Variants in PITPNM3 observed in about 807,000 individuals in gnomAD.
The protein encoded by PITPNM3 is PITPNM family member 3.
Under a neutral mutation model 102.0 loss-of-function variants are expected in PITPNM3, and 26 were observed. The ratio of observed to expected loss-of-function variants is 0.25; its 90% CI spans 0.19 to 0.35. The LOEUF is 0.35. Among genes scored for constraint, PITPNM3 ranks in the 10% least tolerant of loss-of-function variants. PITPNM3 has a pLI of 1.00. For synonymous variants in PITPNM3, 578 were observed against 558.6 expected (o/e 1.03, Z -0.49); for missense variants, 1,083 against 1,346.1 (o/e 0.80, Z 3.06).
At chr17:6,507,624 C>T (rs1907614747) in intron 3 of PITPNM3, among the ~76,000 whole-genome samples, 1 of 151,846 alleles carries the variant, frequency 6.6e-6, no homozygotes, top group Non-Finnish European at 1.5e-5. Flanking sequence ...TTGAAGATAA[C>T]ACCATTCGGA....
intron 6 of PITPNM3, among the ~76,000 whole-genome samples, chr17:6,483,240 G>A (rs1304555470): frequency 6.6e-6 from 1 of 151,994 alleles, no homozygotes; most frequent in East Asian, 1.9e-4. Flanking sequence ...CACCGCACCC[G>A]GCCAACACTC....
intron 3 of PITPNM3, among the ~76,000 whole-genome samples, chr17:6,513,998 A>G (rs959305917): frequency 6.6e-6 from 1 of 152,224 alleles, no homozygotes; most frequent in African/African-American, 2.4e-5. Flanking sequence ...TTTTTGACAA[A>G]CCTGCCTAAA....
Position 6,502,221 on chromosome 17 carries a change from G to A in PITPNM3, c.274+1306C>T, listed in dbSNP as rs576547068. Among the ~76,000 whole-genome samples, 19 of 152,346 alleles carry A rather than the reference G, an allele frequency of 1.2e-4. 1 individual carries two copies. The highest frequency in any genetic ancestry group is 9.1e-4 in the Admixed American group (14 of 15,310). ...TCCCAGAATTTTGGGAGACCAAGGC[G>A]GGCAGATCACCTGAGGTCAGGAGTT... is the stretch of plus-strand genomic sequence containing the variant. On this transcript the variant is annotated intron_variant, in intron 4 of 19. Coordinates refer to ENST00000262483, the MANE Select transcript of PITPNM3 (RefSeq NM_031220.4).
chr17:6,538,302 C>T (rs558241435), intron 1 of PITPNM3, among the ~76,000 whole-genome samples: 2 of 150,548 alleles, frequency 1.3e-5, no homozygotes, highest in African/African-American at 5.0e-5. Context: ...ATGCGTGTGC[C>T]CATTTTCCAT....
intron 1 of PITPNM3, among the ~76,000 whole-genome samples, chr17:6,551,617 G>A (rs1339046173): frequency 6.6e-6 from 1 of 152,048 alleles, no homozygotes; most frequent in East Asian, 1.9e-4. Flanking sequence ...GCTCATGCCT[G>A]TAATTCCAGT....
chr17:6,508,966 G>A (rs1467294401), intron 3 of PITPNM3, among the ~76,000 whole-genome samples: 1 of 152,194 alleles, frequency 6.6e-6, no homozygotes, highest in Non-Finnish European at 1.5e-5. Context: ...CCACCTAAAT[G>A]AGACCCCACT....
chr17:6,502,458 G>GA (rs909797969), intron 4 of PITPNM3, among the ~76,000 whole-genome samples: 20 of 148,644 alleles, frequency 1.3e-4, no homozygotes, highest in African/African-American at 2.2e-4. Context: ...TCTGTCTCAA[G>GA]AAAAAAAAAA....
intron 1 of PITPNM3, among the ~76,000 whole-genome samples, chr17:6,554,654 G>T (rs1240555746): frequency 9.9e-5 from 15 of 152,186 alleles, no homozygotes; most frequent in Admixed American, 9.8e-4. Context: ...AAGGCAGAGG[G>T]ACTGAGACTG....
At position 6,468,278 on chromosome 17, in the gene PITPNM3, G is replaced by A. The variant is rs1323377364; in HGVS notation, c.1837C>T (p.Pro613Ser). The A allele has an allele frequency of 1.2e-6, 2 of 1,613,938 alleles. No homozygotes were observed. The highest frequency in any genetic ancestry group is 2.2e-5 in the South Asian group (2 of 91,068). ...SARLDPAALS[P>S]ANPREKWLRK... Reference sequence around the variant, plus strand: ...AGCCACTTCTCCCGGGGGTTGGCAGGACTCAGTGCTGCAGGGTCCAGGCGG... The same window carrying A: ...AGCCACTTCTCCCGGGGGTTGGCAGAACTCAGTGCTGCAGGGTCCAGGCGG... The change falls in exon 14 of 20, where the codon CCT (proline) becomes TCT (serine). Residue 613 changes from proline to serine, a missense_variant. This residue lies in a region of PITPNM3 where 410 missense variants were observed against 638.4 expected (regional missense o/e 0.64). Transcript: ENST00000262483. This position sits in a 1 kb window ranked among gnomAD's most constrained non-coding sequence, Gnocchi z 5.2.
rs561461340 is a variant in PITPNM3 at position 6,535,647 on chromosome 17, G to A, written c.118+2340C>T. On this transcript the variant is annotated intron_variant, in intron 2 of 19. Coordinates refer to ENST00000262483, the MANE Select transcript of PITPNM3 (RefSeq NM_031220.4). Reference sequence around the variant, plus strand: ...AGAAAAAAAGGAAGTGGCCGGGTGCGGTGGCTCACACCTGTAATCCCAGCA... The same window carrying A: ...AGAAAAAAAGGAAGTGGCCGGGTGCAGTGGCTCACACCTGTAATCCCAGCA... 5.3e-5 allele frequency among the ~76,000 whole-genome samples: 8 copies of A among 152,174 alleles called. No homozygotes were observed. In the South Asian group the frequency reaches 8.3e-4, roughly 16 times the overall value.
chr17:6,455,703 A>T (rs200394894), intron 19 of PITPNM3, 60 bp from the exon 20 acceptor site: 3 of 109,198 alleles, frequency 2.7e-5, no homozygotes, highest in Non-Finnish European at 4.3e-5. Flanking sequence ...AGGGGGAAGA[A>T]GGGAGGGGAG....
rs539945202 is a variant in PITPNM3, at chr17:6,470,709, G to A, written c.1625-301C>T. Among the ~76,000 whole-genome samples, 87 of 152,290 alleles carry A rather than the reference G, an allele frequency of 5.7e-4. No homozygotes were observed. Among genetic ancestry groups the A allele is most frequent in the African/African-American group, 2.0e-3 (83 of 41,576 alleles). On this transcript the variant is annotated intron_variant, in intron 12 of 19. Coordinates refer to ENST00000262483, the MANE Select transcript of PITPNM3 (RefSeq NM_031220.4). The surrounding 1 kb of genome is among the most constrained non-coding windows in gnomAD (Gnocchi z 4.8). ...GCCGCTCAGTGGCAGTTCCCAGTGGGCTCTGCCTGAAGTTGGCGCTGAGTC... is the reference window on the plus strand; with the variant it reads ...GCCGCTCAGTGGCAGTTCCCAGTGGACTCTGCCTGAAGTTGGCGCTGAGTC...
intron 3 of PITPNM3, among the ~76,000 whole-genome samples, chr17:6,518,952 C>T (rs1021705634): frequency 3.9e-5 from 6 of 152,182 alleles, no homozygotes; most frequent in African/African-American, 7.2e-5. Context: ...CCCGCTACCG[C>T]TTGTCACTCT....
chr17:6,508,591 G>A (rs1008578192), intron 3 of PITPNM3, among the ~76,000 whole-genome samples: 14 of 152,142 alleles, frequency 9.2e-5, no homozygotes, highest in African/African-American at 3.4e-4. Flanking sequence ...AGGGGCTGAG[G>A]GGTGAGGAGG....
chr17:6,463,417 G>GGGAGAGAGGCAGGGAGGGAA (rs1904575171), intron 17 of PITPNM3, among the ~76,000 whole-genome samples: 1 of 58,774 alleles, frequency 1.7e-5, no homozygotes, highest in East Asian at 3.0e-4. Flanking sequence ...CACGAGTGCA[G>GGGAGAGAGGCAGGGAGGGAA]GGAGGGAGGC....
intron 9 of PITPNM3, 34 bp from the exon 10 acceptor site, chr17:6,474,638 T>G (rs1179165172): frequency 5.8e-6 from 9 of 1,545,198 alleles, no homozygotes; most frequent in Middle Eastern, 1.7e-4. Flanking sequence ...GCAGGGCAGG[T>G]CAGGGAAGGA....
At chr17:6,501,202 G>C (rs1168240735) in intron 4 of PITPNM3, among the ~76,000 whole-genome samples, 1 of 152,186 alleles carries the variant, frequency 6.6e-6, no homozygotes, top group Non-Finnish European at 1.5e-5. Context: ...CTGGCCAGGT[G>C]CTCAGAAGGG....
At chr17:6,546,231 G>A (rs906828395) in intron 1 of PITPNM3, among the ~76,000 whole-genome samples, 4 of 152,230 alleles carry the variant, frequency 2.6e-5, no homozygotes, top group Non-Finnish European at 5.9e-5. Context: ...ATGTGCCACC[G>A]ATGAGCTCAT....
rs74505516 is a variant in PITPNM3, at chr17:6,517,790, G to T, written c.226+7566C>A. Among the ~76,000 whole-genome samples, 1 of 151,970 alleles carries T rather than the reference G, an allele frequency of 6.6e-6. No individual in the cohort carries two copies. The highest frequency in any genetic ancestry group is 1.5e-5 in the Non-Finnish European group (1 of 68,006). On this transcript the variant is annotated intron_variant, in intron 3 of 19. Transcript: ENST00000262483. This position sits in a 1 kb window ranked among gnomAD's most constrained non-coding sequence, Gnocchi z 4.1. ...ACCCAGGCTGGTCCCAAATTCCTGG[G>T]CTCAAGCGATCCTCCCACCTCGGCC...
Sources: allele counts gnomAD v4.1 joint callset (sites outside exome capture counted in the v4.1 genomes callset), GRCh38; gene constraint gnomAD v4.1.1; regional missense constraint gnomAD v4.1.1; non-coding constraint Gnocchi (gnomAD v3.1); transcripts MANE v1.5; gene names NCBI Gene and HGNC (gene_info 2026-07-23, HGNC 2026-07-21).